Variants in LRRIQ3 observed in about 807,000 individuals in gnomAD.
LRRIQ3 encodes the protein leucine rich repeats and IQ motif containing 3.
Under a neutral mutation model 59.3 loss-of-function variants are expected in LRRIQ3, and 75 were observed. The observed-to-expected ratio is 1.26, with a 90% confidence interval of 1.05 to 1.53. The LOEUF is 1.53. Ranked by LOEUF, LRRIQ3 falls within the 40% of genes most tolerant of loss-of-function variation. The pLI is 0.00. For missense variants in LRRIQ3, 831 were observed against 710.0 expected, an observed-to-expected ratio of 1.17 and a Z score of -1.94; for synonymous variants, 250 against 231.3, an observed-to-expected ratio of 1.08 and a Z score of -0.73.
At chr1:74,174,570 T>C (rs1649524773) in intron 3 of LRRIQ3, among the ~76,000 whole-genome samples, 2 of 151,342 alleles carry the variant, frequency 1.3e-5, no homozygotes, top group South Asian at 2.1e-4. Flanking sequence ...TTTTTTGTAT[T>C]TTTAGTAGAG....
intron 7 of LRRIQ3, among the ~76,000 whole-genome samples, chr1:74,040,411 G>A (rs1053999899): frequency 5.3e-5 from 8 of 152,116 alleles, no homozygotes; most frequent in Admixed American, 6.6e-5. Context: ...GGATATTCAG[G>A]ACTTTAACAC....
intron 5 of LRRIQ3, among the ~76,000 whole-genome samples, chr1:74,103,664 A>C (rs1646565039): frequency 6.6e-6 from 1 of 152,006 alleles, no homozygotes; most frequent in Non-Finnish European, 1.5e-5. Context: ...TCTCATAGAG[A>C]ATCAACTCCT....
chr1:74,116,940 T>G (rs189010843), intron 4 of LRRIQ3, among the ~76,000 whole-genome samples: 1 of 152,100 alleles, frequency 6.6e-6, no homozygotes, highest in Non-Finnish European at 1.5e-5. Flanking sequence ...GTTATGTACT[T>G]AGTCTTCAGC....
chr1:74,092,895 G>T (rs1003620217), intron 5 of LRRIQ3, among the ~76,000 whole-genome samples: 1 of 151,960 alleles, frequency 6.6e-6, no homozygotes, highest in Non-Finnish European at 1.5e-5. Context: ...ATGAGATTAA[G>T]AATTTTGTCT....
At position 74,183,490 on chromosome 1, in the gene LRRIQ3, A is replaced by C; in HGVS notation, c.195T>G (p.Ile65Met). The change falls in exon 2 of 8, where the codon ATT becomes ATG. Residue 65 changes from isoleucine to methionine, a missense_variant. Physicochemically the swap from Ile to Met is conservative, Grantham distance 10 (BLOSUM62 1). Transcript: ENST00000354431. Reference sequence around the variant, plus strand: ...ATTTTATACAACTTTGAAGTGGATGAATATCTGTAATAAAATTGTTTGAGA... The same window carrying C: ...ATTTTATACAACTTTGAAGTGGATGCATATCTGTAATAAAATTGTTTGAGA... Reference protein sequence around the residue: ...CIFSNNFITDIHPLQSCIKLI... With the variant: ...CIFSNNFITDMHPLQSCIKLI... 6.2e-7 allele frequency: 1 copy of C among 1,609,824 alleles called. No homozygotes were observed. The highest frequency in any genetic ancestry group is 8.5e-7 in the Non-Finnish European group (1 of 1,177,654).
intron 5 of LRRIQ3, among the ~76,000 whole-genome samples, chr1:74,081,404 G>A (rs1003994990): frequency 1.3e-5 from 2 of 151,528 alleles, no homozygotes; most frequent in African/African-American, 4.8e-5. Flanking sequence ...ACTAAGATTG[G>A]AGGCACCAAT....
At chr1:74,103,468 C>T (rs1011390171) in intron 5 of LRRIQ3, among the ~76,000 whole-genome samples, 3 of 151,956 alleles carry the variant, frequency 2.0e-5, no homozygotes, top group Admixed American at 2.0e-4. Flanking sequence ...CATTTCTTAG[C>T]ATTAGTTAAG....
At chr1:74,054,009 G>T (rs1654449517) in intron 6 of LRRIQ3, among the ~76,000 whole-genome samples, 1 of 151,974 alleles carries the variant, frequency 6.6e-6, no homozygotes, top group Non-Finnish European at 1.5e-5. Context: ...CATGTTCCTT[G>T]GTACCCATCA....
At chr1:74,194,326 C>A (rs190866731) in intron 1 of LRRIQ3, among the ~76,000 whole-genome samples, 40 of 152,202 alleles carry the variant, frequency 2.6e-4, no homozygotes, top group Admixed American at 2.6e-3. Context: ...CAGACTAGTA[C>A]ATGTGTCCTG....
intron 1 of LRRIQ3, among the ~76,000 whole-genome samples, chr1:74,193,401 T>C (rs1409854041): frequency 2.0e-5 from 3 of 152,112 alleles, no homozygotes; most frequent in African/African-American, 7.2e-5. Context: ...TATCCTACAT[T>C]TTAATTGCAC....
At chr1:74,196,848 T>A (rs890499427) in intron 1 of LRRIQ3, among the ~76,000 whole-genome samples, 1 of 152,226 alleles carries the variant, frequency 6.6e-6, no homozygotes, top group Non-Finnish European at 1.5e-5. Context: ...GAAGTCTCCC[T>A]GCTTCTATCA....
intron 5 of LRRIQ3, among the ~76,000 whole-genome samples, chr1:74,085,385 A>T (rs1646317232): frequency 1.3e-5 from 2 of 151,672 alleles, no homozygotes; most frequent in African/African-American, 4.8e-5. Context: ...TTAGTGTAAA[A>T]ATGTTCATAT....
intron 4 of LRRIQ3, among the ~76,000 whole-genome samples, chr1:74,142,646 T>C (rs1647309399): frequency 6.6e-6 from 1 of 152,056 alleles, no homozygotes; most frequent in Non-Finnish European, 1.5e-5. Context: ...AAAGGGTACT[T>C]ATTCCTGGAA....
At chr1:74,039,795 A>G (rs1653986988) in intron 7 of LRRIQ3, among the ~76,000 whole-genome samples, 1 of 152,202 alleles carries the variant, frequency 6.6e-6, no homozygotes, top group South Asian at 2.1e-4. Flanking sequence ...AGCACTAAAC[A>G]TGGAAAGGAA....
In LRRIQ3 at chr1:74,041,535, A is replaced by C; in HGVS notation, c.1396T>G (p.Tyr466Asp). 1 of 1,610,852 alleles carries C rather than the reference A, an allele frequency of 6.2e-7. No homozygotes were observed. The highest frequency in any genetic ancestry group is 2.2e-5 in the East Asian group (1 of 44,834). ...AVNEHLNQKK[Y>D]ATQKLIEENK... The stretch of plus-strand genomic sequence containing the variant: ...TCTTCAATTAGTTTTTGTGTAGCAT[A>C]TTTTTTCTGATTCAAATGTTCATTA... The change falls in exon 7 of 8, where the codon TAT becomes GAT. Residue 466 changes from tyrosine to aspartate, a missense_variant. Transcript: ENST00000354431.
intron 6 of LRRIQ3, among the ~76,000 whole-genome samples, chr1:74,054,477 T>G (rs78234818): frequency 0.019 from 2,923 of 152,134 alleles, 82 homozygotes; most frequent in African/African-American, 0.067. Context: ...TTGTACGTTT[T>G]TCAAAACTCA....
chr1:74,055,868 G>T (rs10789384), intron 6 of LRRIQ3, among the ~76,000 whole-genome samples: 72,476 of 151,946 alleles, frequency 0.48, 18,702 homozygotes, highest in East Asian at 0.82. Flanking sequence ...ATAAAGTCCT[G>T]GCATGTTGGC....
intron 3 of LRRIQ3, chr1:74,180,628 C>A: frequency 1.7e-6 from 2 of 1,196,486 alleles, no homozygotes; most frequent in Non-Finnish European, 1.2e-6. Flanking sequence ...TTTCCACACT[C>A]AGTGTGAAAA....
At chr1:74,085,235 T>C (rs867323365) in intron 5 of LRRIQ3, among the ~76,000 whole-genome samples, 6 of 151,646 alleles carry the variant, frequency 4.0e-5, no homozygotes, top group South Asian at 4.1e-4. Context: ...TGGATTCTGC[T>C]TTTTAAATGC....
Sources: gnomAD v4.1 joint callset for allele counts (sites outside exome capture counted in the v4.1 genomes callset) on GRCh38, gnomAD v4.1.1 for gene constraint, MANE v1.5 for transcripts, NCBI Gene and HGNC (gene_info 2026-07-23, HGNC 2026-07-21) for gene names.